PDE1C: variants seen among roughly 807,000 people sequenced by gnomAD.
PDE1C encodes phosphodiesterase 1C, also known as dual specificity calcium/calmodulin-dependent 3',5'-cyclic nucleotide phosphodiesterase 1C.
PDE1C carries 62 observed loss-of-function variants against 93.1 expected under a neutral mutation model. The ratio of observed to expected loss-of-function variants is 0.67; its 90% CI spans 0.54 to 0.82. The LOEUF (loss-of-function observed/expected upper bound fraction) is 0.82. Ranked by LOEUF, PDE1C falls within the 40% of genes least tolerant of loss-of-function variation. PDE1C has a pLI of 0.00. For synonymous variants in PDE1C, 325 were observed against 310.1 expected (o/e 1.05, Z -0.50); for missense variants, 742 against 884.6 (o/e 0.84, Z 2.04).
intron 2 of PDE1C, among the ~76,000 whole-genome samples, chr7:31,954,576 A>G (rs988754789): frequency 1.3e-5 from 2 of 152,102 alleles, no homozygotes; most frequent in African/African-American, 4.8e-5. Context: ...CTATTCCTGG[A>G]TTTTATGTAC....
chr7:31,968,553 C>G (rs1208324723), intron 2 of PDE1C, among the ~76,000 whole-genome samples: 1 of 152,066 alleles, frequency 6.6e-6, no homozygotes, highest in Non-Finnish European at 1.5e-5. Flanking sequence ...TTTATAGATT[C>G]AATGCCATCC....
the PDE1C span, among the ~76,000 whole-genome samples, chr7:31,620,076 G>A: frequency 6.6e-6 from 1 of 152,192 alleles, no homozygotes; most frequent in Admixed American, 6.5e-5. Flanking sequence ...CCATTACCCA[G>A]GCTTGATTAG....
intron 3 of PDE1C, among the ~76,000 whole-genome samples, chr7:32,165,300 T>C (rs1178019517): frequency 6.6e-6 from 1 of 152,236 alleles, no homozygotes; most frequent in Non-Finnish European, 1.5e-5. Flanking sequence ...CTCATTCACA[T>C]GCGTTATCTC....
intron 1 of PDE1C, among the ~76,000 whole-genome samples, chr7:32,304,719 T>A (rs1249131553): frequency 1.3e-5 from 2 of 152,152 alleles, no homozygotes; most frequent in African/African-American, 2.4e-5. Context: ...GAGTCTTAGT[T>A]TTTTCTTTTG....
At chr7:32,015,386 T>G (rs1282878915) in intron 2 of PDE1C, among the ~76,000 whole-genome samples, 1 of 152,084 alleles carries the variant, frequency 6.6e-6, no homozygotes, top group East Asian at 1.9e-4. Context: ...GCCTCACTAC[T>G]GACATTGTTA....
Position 32,357,333 on chromosome 7 carries a change from C to CA in PDE1C, c.310+70488dup, listed in dbSNP as rs199762379. On this transcript the variant is annotated intron_variant, in intron 1 of 1. Coordinates refer to the PDE1C transcript ENST00000672256. ...TGGGCAACAGAGCGAGATTCCATCA[C>CA]ACACAAAAAAAAAACCTTTAAGTGA... Among the ~76,000 whole-genome samples the CA allele has an allele frequency of 1.7e-3, 243 of 142,630 alleles. 2 individuals are homozygous for CA. The highest frequency in any genetic ancestry group is 6.2e-3 in the African/African-American group (215 of 34,488). 93.6% of individuals were successfully genotyped at this position (142,630 alleles called of 152,430 possible).
In PDE1C at chr7:31,970,589, A is replaced by T. The variant is rs183102133; in HGVS notation, c.128+80965T>A. ...TAGTTTCACCTTTCCTTAGAAATGA[A>T]AACTGTGATTGTTGAGTAAACAACT... On this transcript the variant is annotated intron_variant, in intron 2 of 17. Coordinates refer to ENST00000396191, the MANE Select transcript of PDE1C (RefSeq NM_001191057.4). 1.1e-3 allele frequency among the ~76,000 whole-genome samples: 166 copies of T among 152,336 alleles called. 1 individual carries two copies. The highest frequency in any genetic ancestry group is 2.5e-3 in the Admixed American group (39 of 15,298).
At chr7:31,746,481 T>A (rs1794009602), downstream of PDE1C, among the ~76,000 whole-genome samples, 1 of 152,174 alleles carries the variant, frequency 6.6e-6, no homozygotes. Context: ...GGTACAGGAC[T>A]GAGAGAGTGA....
At chr7:32,115,035 C>A (rs1296289976) in intron 3 of PDE1C, among the ~76,000 whole-genome samples, 1 of 152,134 alleles carries the variant, frequency 6.6e-6, no homozygotes, top group South Asian at 2.1e-4. Context: ...ATAAGTGCAA[C>A]CATTGTGGAA....
intron 2 of PDE1C, among the ~76,000 whole-genome samples, chr7:31,953,614 A>T (rs919319986): frequency 6.6e-6 from 1 of 152,170 alleles, no homozygotes; most frequent in Admixed American, 6.6e-5. Context: ...ATATCTATTC[A>T]TCCCACCAGG....
the PDE1C span, among the ~76,000 whole-genome samples, chr7:31,691,797 TAAAAAAAA>T: frequency 2.3e-5 from 2 of 86,558 alleles, no homozygotes; most frequent in Admixed American, 1.4e-4. Flanking sequence ...ATGTAATGAT[TAAAAAAAA>T]AAAAAAAAAA....
At chr7:31,754,703 G>A (rs563982455) in intron 17 of PDE1C, among the ~76,000 whole-genome samples, 3 of 152,290 alleles carry the variant, frequency 2.0e-5, no homozygotes, top group Admixed American at 2.0e-4. Flanking sequence ...CTATAGAGAT[G>A]ATAAAAACAT....
intron 3 of PDE1C, among the ~76,000 whole-genome samples, chr7:32,169,234 A>G (rs537836142): frequency 1.3e-5 from 2 of 152,318 alleles, no homozygotes; most frequent in African/African-American, 4.8e-5. Flanking sequence ...AATGGAGTGC[A>G]ATGCCGAAAG....
chr7:31,648,783 A>G, the PDE1C span, among the ~76,000 whole-genome samples: 3 of 152,328 alleles, frequency 2.0e-5, no homozygotes, highest in Non-Finnish European at 4.4e-5. Context: ...GCTCGCTGCT[A>G]AGGGACAAGC....
chr7:32,426,191 A>G (rs1785527503), intron 1 of PDE1C, among the ~76,000 whole-genome samples: 1 of 151,802 alleles, frequency 6.6e-6, no homozygotes, highest in Admixed American at 6.6e-5. Context: ...CTCTTGTACT[A>G]TATTTATGAT....
At chr7:32,216,918 C>T (rs1806473977) in intron 1 of PDE1C, among the ~76,000 whole-genome samples, 1 of 152,070 alleles carries the variant, frequency 6.6e-6, no homozygotes, top group Non-Finnish European at 1.5e-5. Flanking sequence ...ATGCCTCTAG[C>T]CCCAGTGGGA....
intron 1 of PDE1C, among the ~76,000 whole-genome samples, chr7:32,360,013 T>A (rs1562690061): frequency 6.6e-6 from 1 of 152,152 alleles, no homozygotes; most frequent in Non-Finnish European, 1.5e-5. Context: ...ATGGCCACCA[T>A]ACTTGATTGC....
chr7:32,190,180 C>T (rs1385518886), intron 2 of PDE1C, among the ~76,000 whole-genome samples: 1 of 152,288 alleles, frequency 6.6e-6, no homozygotes, highest in African/African-American at 2.4e-5. Flanking sequence ...TTTCAAGAAT[C>T]GCAGCTGCAA....
intron 1 of PDE1C, among the ~76,000 whole-genome samples, chr7:32,333,005 C>T (rs533515069): frequency 1.3e-5 from 2 of 152,144 alleles, no homozygotes; most frequent in South Asian, 2.1e-4. Flanking sequence ...ATGTACTTTT[C>T]GATTTGTCTG....
Sources: allele counts gnomAD v4.1 joint callset (sites outside exome capture counted in the v4.1 genomes callset), GRCh38; gene constraint gnomAD v4.1.1; transcripts MANE v1.5; gene names NCBI Gene and HGNC (gene_info 2026-07-23, HGNC 2026-07-21).